PPFIBP1: variants seen among roughly 807,000 people sequenced by gnomAD.
PPFIBP1 encodes the protein PPFIB scaffold protein 1, also known as liprin-beta-1.
PPFIBP1 carries 112 observed loss-of-function variants against 137.8 expected under a neutral mutation model. The ratio of observed to expected loss-of-function variants is 0.81; its 90% confidence interval spans 0.70 to 0.95. The LOEUF (loss-of-function observed/expected upper bound fraction) is 0.95. Among genes scored for constraint, PPFIBP1 ranks in the 40% least tolerant of loss-of-function variants. The probability of loss-of-function intolerance (pLI) is 0.00; values close to 1 mark genes in which losing one functional copy is unlikely to be tolerated. For synonymous variants in PPFIBP1, 378 were observed against 417.3 expected (o/e 0.91, Z 1.15); for missense variants, 1,083 against 1,196.6 (o/e 0.91, Z 1.40).
chr12:27,599,292 A>C (rs1176224423), intron 2 of PPFIBP1: 1 of 294,166 alleles, frequency 3.4e-6, no homozygotes, highest in African/African-American at 2.2e-5. Context: ...AGGCCTGAGT[A>C]AAACAAAACA....
chr12:27,638,272 G>A (rs1402331558), intron 4 of PPFIBP1, among the ~76,000 whole-genome samples: 1 of 152,114 alleles, frequency 6.6e-6, no homozygotes, highest in African/African-American at 2.4e-5. Flanking sequence ...AGAATTTAAG[G>A]AACACAGAAT....
At chr12:27,616,610 A>G (rs1346219885) in intron 2 of PPFIBP1, among the ~76,000 whole-genome samples, 2 of 152,210 alleles carry the variant, frequency 1.3e-5, no homozygotes, top group Non-Finnish European at 2.9e-5. Context: ...GTTTAGCAGA[A>G]CGAAACAGAG....
At chr12:27,542,153 G>C (rs1945741747) in intron 1 of PPFIBP1, among the ~76,000 whole-genome samples, 1 of 151,808 alleles carries the variant, frequency 6.6e-6, no homozygotes, top group African/African-American at 2.4e-5. Context: ...GAAAATATTT[G>C]AAAAAACAAA....
intron 4 of PPFIBP1, among the ~76,000 whole-genome samples, chr12:27,641,442 T>C (rs1022454751): frequency 5.9e-5 from 9 of 152,082 alleles, no homozygotes; most frequent in Admixed American, 3.3e-4. Context: ...GTAAAAACAG[T>C]GGGTGAGACT....
chr12:27,613,564 A>G (rs1264995016), intron 2 of PPFIBP1, among the ~76,000 whole-genome samples: 2 of 152,054 alleles, frequency 1.3e-5, no homozygotes, highest in African/African-American at 4.8e-5. Context: ...TTAGCAGGGC[A>G]TGGTGGCATG....
chr12:27,617,420 A>G (rs1041601412), intron 2 of PPFIBP1, among the ~76,000 whole-genome samples: 1 of 152,192 alleles, frequency 6.6e-6, no homozygotes, highest in African/African-American at 2.4e-5. Context: ...ATCAAATGGA[A>G]GCTCCTCAGT....
At position 27,686,765 on chromosome 12, in the gene PPFIBP1, G is replaced by A. The variant is rs375206178; in HGVS notation, c.2248-620G>A. Among the ~76,000 whole-genome samples the A allele has an allele frequency of 9.9e-5, 15 of 152,058 alleles. No homozygotes were observed. In the East Asian group the frequency reaches 2.1e-3, roughly 22 times the overall value. On this transcript the variant is annotated intron_variant, in intron 24 of 29. Coordinates refer to ENST00000228425, the MANE Select transcript of PPFIBP1 (RefSeq NM_003622.4). The stretch of plus-strand genomic sequence containing the variant: ...CAGAAAACCCAGCCTTGCTAGGAGC[G>A]GTGCCTCACGCCTGTAATCCCAGCT...
chr12:27,651,577 C>A (rs2058877171), intron 7 of PPFIBP1, among the ~76,000 whole-genome samples: 1 of 152,052 alleles, frequency 6.6e-6, no homozygotes, highest in Non-Finnish European at 1.5e-5. Context: ...CTCTTTTTGT[C>A]AGGTCCTAAC....
At chr12:27,620,591 G>T (rs1180980526) in intron 2 of PPFIBP1, among the ~76,000 whole-genome samples, 4 of 152,188 alleles carry the variant, frequency 2.6e-5, no homozygotes, top group African/African-American at 9.7e-5. Context: ...AGCTGGCACG[G>T]TATATAATTA....
intron 4 of PPFIBP1, among the ~76,000 whole-genome samples, chr12:27,641,632 A>G (rs146630077): frequency 4.5e-4 from 68 of 152,284 alleles, no homozygotes; most frequent in African/African-American, 1.6e-3. Flanking sequence ...GTAATACTTC[A>G]TAATTAAAAG....
chr12:27,543,874 C>T (rs1592350301), intron 1 of PPFIBP1, among the ~76,000 whole-genome samples: 2 of 129,468 alleles, frequency 1.5e-5, no homozygotes, highest in Non-Finnish European at 3.2e-5. Context: ...CCCCACCCCG[C>T]CCCTGCTTTT....
At chr12:27,652,397 G>A (rs2058929528) in intron 7 of PPFIBP1, among the ~76,000 whole-genome samples, 1 of 152,188 alleles carries the variant, frequency 6.6e-6, no homozygotes, top group African/African-American at 2.4e-5. Flanking sequence ...GTTCCTGCAG[G>A]AGCCCTGAAT....
At chr12:27,635,191 A>G (rs764863744) in intron 4 of PPFIBP1, 76 bp downstream of exon 4, 4 of 1,446,980 alleles carry the variant, frequency 2.8e-6, no homozygotes, top group African/African-American at 1.4e-5. Flanking sequence ...AGAATAGCTG[A>G]TTAGAACAAG....
chr12:27,545,600 A>G lies in PPFIBP1; in HGVS notation c.-124+21235A>G, dbSNP rs1946151986. ...CTCATTAGCACTCCCACGAGCTATA[A>G]TGCATCTACCTGAGGCAGAGAGATG... On this transcript the variant is annotated intron_variant, in intron 1 of 29. Transcript: ENST00000228425. Among the ~76,000 whole-genome samples the G allele has an allele frequency of 2.0e-5, 3 of 152,338 alleles. No homozygotes were observed. The Middle Eastern group carries it at 0.01, about 518-fold the overall frequency.
intron 1 of PPFIBP1, among the ~76,000 whole-genome samples, chr12:27,563,277 TA>T (rs869044515): frequency 0.028 from 628 of 22,106 alleles, 9 homozygotes; most frequent in African/African-American, 0.12. Context: ...CCATCTCTAC[TA>T]AAAAAAAAAA....
chr12:27,582,758 G>T (rs139631677), intron 2 of PPFIBP1, among the ~76,000 whole-genome samples: 2,606 of 152,240 alleles, frequency 0.017, 72 homozygotes, highest in African/African-American at 0.06. Flanking sequence ...TAACATGTGC[G>T]ATCACTGTAG....
rs970653776 is a variant in PPFIBP1 at position 27,528,137 on chromosome 12, C to T, written c.-124+3772C>T. Among the ~76,000 whole-genome samples, 12 of 152,088 alleles carry T rather than the reference C, an allele frequency of 7.9e-5. No homozygotes were observed. The South Asian group carries it at 1.0e-3, about 13-fold the overall frequency. On this transcript the variant is annotated intron_variant, in intron 1 of 29. Transcript: ENST00000228425. ...CTAATTTTTGTATTTTTAGTAGAGA[C>T]GGGGTTTCACCATGTTAGCCAGGCT...
chr12:27,625,693 C>T (rs964573956), intron 2 of PPFIBP1, among the ~76,000 whole-genome samples: 3 of 151,320 alleles, frequency 2.0e-5, no homozygotes, highest in African/African-American at 4.9e-5. Flanking sequence ...AAGTGATTCT[C>T]CTGCCTTAGC....
intron 2 of PPFIBP1, among the ~76,000 whole-genome samples, chr12:27,614,609 G>A (rs552939218): frequency 6.6e-6 from 1 of 152,220 alleles, no homozygotes; most frequent in African/African-American, 2.4e-5. Context: ...CAGTTGTCAG[G>A]GATGGGTATA....
Sources: gnomAD v4.1 joint callset for allele counts (sites outside exome capture counted in the v4.1 genomes callset) on GRCh38, gnomAD v4.1.1 for gene constraint, MANE v1.5 for transcripts, NCBI Gene and HGNC (gene_info 2026-07-23, HGNC 2026-07-21) for gene names.